Variants in TMEM87A observed in about 807,000 individuals in gnomAD.
The protein encoded by TMEM87A is Golgi-pH regulating cation channel.
A neutral mutation model predicts 90.0 loss-of-function variants in TMEM87A; 50 were observed. That is an observed-to-expected ratio of 0.56 (90% CI 0.44 to 0.70). TMEM87A has a LOEUF of 0.70. TMEM87A is among the 30% of genes least tolerant of loss of function. The pLI, the probability that TMEM87A is intolerant of heterozygous loss-of-function variation, is 0.00. For synonymous variants in TMEM87A, 226 were observed against 226.7 expected (o/e 1.00, Z 0.03); for missense variants, 577 against 660.5 (o/e 0.87, Z 1.39).
At chr15:42,242,578 GAGAC>G (rs780751659) in intron 7 of TMEM87A, among the ~76,000 whole-genome samples, 286 of 152,058 alleles carry the variant, frequency 1.9e-3, no homozygotes, top group Non-Finnish European at 2.8e-3. Context: ...AAGAGAGAGA[GAGAC>G]AGACAGACAG....
chr15:42,272,052 C>A lies in TMEM87A; in HGVS notation c.205+11G>T. ...ATTCAAATTAAAACTTCATGAAATT[C>A]AAAAACTCACACTTCAGGAAGATAG... is the stretch of plus-strand genomic sequence containing the variant. On this transcript the variant is annotated intron_variant, in intron 2 of 19. Transcript: ENST00000389834. The A allele has an allele frequency of 1.3e-6, 2 of 1,582,464 alleles. No individual in the cohort carries two copies. The highest frequency in any genetic ancestry group is 2.4e-5 in the South Asian group (2 of 83,756).
intron 7 of TMEM87A, among the ~76,000 whole-genome samples, chr15:42,243,247 GAC>G (rs967572706): frequency 2.0e-5 from 3 of 151,028 alleles, no homozygotes; most frequent in Non-Finnish European, 4.4e-5. Context: ...TAGCCTGGGC[GAC>G]AGAGTGAGAT....
Position 42,264,090 on chromosome 15 carries a change from C to G in TMEM87A, c.405G>C (p.Gln135His). Reference sequence around the variant, plus strand: ...ATCTCCAATCACTTTCAAAGATTACCTGTGTTTTAAAGAGTTCACTGCAGT... The same window carrying G: ...ATCTCCAATCACTTTCAAAGATTACGTGTGTTTTAAAGAGTTCACTGCAGT... Reference protein sequence around the residue: ...FQNCSELFKTQTFSGDFMHRL... With the variant: ...FQNCSELFKTHTFSGDFMHRL... Residue 135 changes from glutamine to histidine, a missense_variant and splice_region_variant, in exon 4 of 20, where the codon CAG becomes CAC. Coordinates refer to ENST00000389834, the MANE Select transcript of TMEM87A (RefSeq NM_015497.5). 1 of 1,607,634 alleles carries G rather than the reference C, an allele frequency of 6.2e-7. No homozygotes were observed. Among genetic ancestry groups the G allele is most frequent in the Non-Finnish European group, 8.5e-7 (1 of 1,175,928 alleles).
intron 6 of TMEM87A, among the ~76,000 whole-genome samples, chr15:42,247,382 A>G (rs2050997645): frequency 6.6e-6 from 1 of 152,116 alleles, no homozygotes; most frequent in Non-Finnish European, 1.5e-5. Context: ...CCTGAATGGT[A>G]TTGCCTAGGT....
At chr15:42,272,542 A>C (rs1048035311) in intron 1 of TMEM87A, 2 of 199,856 alleles carry the variant, frequency 1.0e-5, no homozygotes, top group African/African-American at 4.8e-5. Context: ...AATGCTTTTC[A>C]GCATTTCCTC....
At chr15:42,253,278 A>C (rs1201739687) in intron 6 of TMEM87A, among the ~76,000 whole-genome samples, 1 of 152,212 alleles carries the variant, frequency 6.6e-6, no homozygotes, top group Non-Finnish European at 1.5e-5. Context: ...TCTTGAGAAT[A>C]TATATGGCTT....
intron 6 of TMEM87A, among the ~76,000 whole-genome samples, chr15:42,248,061 G>A (rs7169941): frequency 1.3e-5 from 2 of 152,072 alleles, no homozygotes; most frequent in African/African-American, 4.8e-5. Context: ...GTGAATGGGA[G>A]TTCACTCATG....
intron 6 of TMEM87A, among the ~76,000 whole-genome samples, chr15:42,252,762 T>C (rs779408753): frequency 3.9e-5 from 6 of 152,202 alleles, no homozygotes; most frequent in Non-Finnish European, 8.8e-5. Context: ...TCACTTAAAA[T>C]CTTTGGTCTG....
intron 1 of TMEM87A, chr15:42,273,049 G>GCC (rs2051578428): frequency 1.5e-6 from 1 of 683,040 alleles, no homozygotes; most frequent in Admixed American, 2.3e-5. Context: ...TGCTGAAGTG[G>GCC]CCCTTACATT....
chr15:42,215,229 G>A (rs1315167801), intron 19 of TMEM87A, among the ~76,000 whole-genome samples: 1 of 152,214 alleles, frequency 6.6e-6, no homozygotes, highest in Non-Finnish European at 1.5e-5. Flanking sequence ...GCCAGGTGCG[G>A]TGGCTCACGC....
At chr15:42,246,713 T>C (rs1474602080) in intron 6 of TMEM87A, among the ~76,000 whole-genome samples, 1 of 152,210 alleles carries the variant, frequency 6.6e-6, no homozygotes, top group Non-Finnish European at 1.5e-5. Context: ...TTTGGGTTGG[T>C]TCCAAGTCTT....
intron 6 of TMEM87A, among the ~76,000 whole-genome samples, chr15:42,247,529 T>C (rs2140957759): frequency 6.6e-6 from 1 of 152,354 alleles, no homozygotes; most frequent in Admixed American, 6.5e-5. Flanking sequence ...CCCAGCACCA[T>C]TTATTAAATA....
At chr15:42,263,821 T>C (rs1477563673) in intron 4 of TMEM87A, among the ~76,000 whole-genome samples, 1 of 152,230 alleles carries the variant, frequency 6.6e-6, no homozygotes, top group Non-Finnish European at 1.5e-5. Context: ...CACTGTATTA[T>C]ACACTTAGAA....
At position 42,230,260 on chromosome 15, in the gene TMEM87A, C is replaced by T. The variant is rs199722250; in HGVS notation, c.1131+932G>A. Among the ~76,000 whole-genome samples the T allele has an allele frequency of 6.6e-5, 10 of 152,212 alleles. No individual in the cohort carries two copies. In the East Asian group the frequency reaches 1.2e-3, roughly 18 times the overall value. On this transcript the variant is annotated intron_variant, in intron 12 of 19. Coordinates refer to ENST00000389834, the MANE Select transcript of TMEM87A (RefSeq NM_015497.5). ...CATTCCCACCTCCCTCTTCTCTCAA[C>T]GCTTGCAGAGGTTCACAAAACACTT... is the stretch of plus-strand genomic sequence containing the variant.
chr15:42,221,687 T>C (rs1455963963), intron 15 of TMEM87A, among the ~76,000 whole-genome samples: 3 of 150,374 alleles, frequency 2.0e-5, no homozygotes, highest in Admixed American at 6.6e-5. Context: ...CTAGGCAACA[T>C]AGCAAGACCC....
chr15:42,258,229 CAA>C (rs945403881), intron 6 of TMEM87A: 68 of 901,844 alleles, frequency 7.5e-5, no homozygotes, highest in Admixed American at 4.4e-4. Context: ...TGCTAAGCTA[CAA>C]AAAAAAGTCA....
chr15:42,257,024 T>C (rs550800710), intron 6 of TMEM87A, among the ~76,000 whole-genome samples: 37 of 152,282 alleles, frequency 2.4e-4, no homozygotes, highest in African/African-American at 8.9e-4. Context: ...GGCTTAACGA[T>C]AACTTTTTAA....
At chr15:42,212,278 C>A (rs1357072337) in intron 19 of TMEM87A, among the ~76,000 whole-genome samples, 2 of 151,946 alleles carry the variant, frequency 1.3e-5, no homozygotes, top group East Asian at 3.9e-4. Context: ...AATGTACTAC[C>A]CTTAAATTTC....
chr15:42,235,046 A>ATTTG (rs1324633959), intron 10 of TMEM87A, among the ~76,000 whole-genome samples: 1 of 152,076 alleles, frequency 6.6e-6, no homozygotes, highest in Non-Finnish European at 1.5e-5. Context: ...TTATTTATTT[A>ATTTG]TTTAACTTTG....
Sources: allele counts gnomAD v4.1 joint callset (sites outside exome capture counted in the v4.1 genomes callset), GRCh38; gene constraint gnomAD v4.1.1; transcripts MANE v1.5; gene names NCBI Gene and HGNC (gene_info 2026-07-23, HGNC 2026-07-21).